Variants in ELAPOR2 observed in about 807,000 individuals in gnomAD.
The protein encoded by ELAPOR2 is endosome/lysosome-associated apoptosis and autophagy regulator family member 2.
Under a neutral mutation model 120.7 loss-of-function variants are expected in ELAPOR2, and 89 were observed. That is an observed-to-expected ratio of 0.74 (90% confidence interval 0.62 to 0.88). The LOEUF (loss-of-function observed/expected upper bound fraction) is 0.88, where lower values mean the gene tolerates loss of function less well. Among genes scored for constraint, ELAPOR2 ranks in the 40% least tolerant of loss-of-function variants. The probability of loss-of-function intolerance (pLI) is 0.00; values close to 1 mark genes in which losing one functional copy is unlikely to be tolerated. For missense variants in ELAPOR2, 1,134 were observed against 1,251.6 expected (o/e 0.91, Z 1.42); for synonymous variants, 444 against 444.9 (o/e 1.00, Z 0.03).
intron 1 of ELAPOR2, among the ~76,000 whole-genome samples, chr7:87,035,542 C>T (rs1021598908): frequency 2.0e-5 from 3 of 152,138 alleles, no homozygotes; most frequent in African/African-American, 7.2e-5. Context: ...GTTAGTTTCC[C>T]GTGACGTACT....
At chr7:87,051,984 T>C (rs1562987731) in intron 1 of ELAPOR2, among the ~76,000 whole-genome samples, 1 of 152,220 alleles carries the variant, frequency 6.6e-6, no homozygotes, top group Non-Finnish European at 1.5e-5. Flanking sequence ...AAGAAATGCT[T>C]GCTGGAGTAC....
chr7:87,012,273 G>A (rs548096124), intron 1 of ELAPOR2, among the ~76,000 whole-genome samples: 46 of 152,246 alleles, frequency 3.0e-4, no homozygotes, highest in African/African-American at 9.4e-4. Context: ...AGCTGGGCAT[G>A]GTGGCGCATG....
At chr7:87,027,003 C>A (rs529491329) in intron 1 of ELAPOR2, among the ~76,000 whole-genome samples, 1 of 152,128 alleles carries the variant, frequency 6.6e-6, no homozygotes, top group African/African-American at 2.4e-5. Flanking sequence ...CTTGGTGCAA[C>A]AACAAAATTT....
At chr7:86,978,000 T>C (rs964115397) in intron 1 of ELAPOR2, among the ~76,000 whole-genome samples, 3 of 152,220 alleles carry the variant, frequency 2.0e-5, no homozygotes, top group Non-Finnish European at 4.4e-5. Flanking sequence ...CATGGTCACT[T>C]CCTGATATGG....
chr7:86,968,304 T>TA (rs1295224991), intron 1 of ELAPOR2, among the ~76,000 whole-genome samples: 3 of 152,126 alleles, frequency 2.0e-5, no homozygotes, highest in Non-Finnish European at 4.4e-5. Context: ...AAAGAAAAAG[T>TA]AGATTATTTC....
At chr7:86,965,530 G>C (rs1791872968) in intron 1 of ELAPOR2, among the ~76,000 whole-genome samples, 1 of 152,120 alleles carries the variant, frequency 6.6e-6, no homozygotes, top group African/African-American at 2.4e-5. Flanking sequence ...TTTTAAAGCA[G>C]CTCTCCCAGG....
At position 86,940,100 on chromosome 7, in the gene ELAPOR2, C is replaced by T. The variant is rs1241547051; in HGVS notation, c.757G>A (p.Gly253Ser). ...WGSHSVMLKS[G>S]TNILYWRTTG... Reference sequence around the variant, plus strand: ...GTTCTCCAGTAGAGTATGTTTGTGCCTGATTTCAGCATTACCTATAAAGAG... The same window carrying T: ...GTTCTCCAGTAGAGTATGTTTGTGCTTGATTTCAGCATTACCTATAAAGAG... Residue 253 changes from glycine (G) to serine (S), a missense_variant, in exon 6 of 22, where the codon GGC (glycine) becomes AGC (serine). Coordinates refer to ENST00000450689, the MANE Select transcript of ELAPOR2 (RefSeq NM_001142749.3). 6.2e-7 allele frequency: 1 copy of T among 1,610,346 alleles called. No homozygotes were observed. The highest frequency in any genetic ancestry group is 1.3e-5 in the African/African-American group (1 of 74,732).
chr7:86,983,072 GAAGA>G (rs1179300288), intron 1 of ELAPOR2, among the ~76,000 whole-genome samples: 1 of 152,194 alleles, frequency 6.6e-6, no homozygotes, highest in Non-Finnish European at 1.5e-5. Flanking sequence ...CGATCAAGTG[GAAGA>G]AAGGGTATCA....
At chr7:87,058,515 A>G (rs144565872) in intron 1 of ELAPOR2, among the ~76,000 whole-genome samples, 15 of 152,242 alleles carry the variant, frequency 9.9e-5, no homozygotes, top group East Asian at 5.8e-4. Context: ...AGAACCAATG[A>G]CACCCCCTGT....
At chr7:86,948,374 T>C (rs1451170363) in intron 2 of ELAPOR2, among the ~76,000 whole-genome samples, 2 of 152,244 alleles carry the variant, frequency 1.3e-5, no homozygotes, top group Non-Finnish European at 2.9e-5. Flanking sequence ...ACTTAATTTA[T>C]GCTAATCAGT....
At chr7:87,042,126 C>T (rs1442346219) in intron 1 of ELAPOR2, among the ~76,000 whole-genome samples, 4 of 149,478 alleles carry the variant, frequency 2.7e-5, no homozygotes, top group African/African-American at 1.0e-4. Context: ...CCTGAGTGAC[C>T]TACAAAGAGA....
At chr7:87,026,462 A>G (rs904154551) in intron 1 of ELAPOR2, among the ~76,000 whole-genome samples, 3 of 151,958 alleles carry the variant, frequency 2.0e-5, no homozygotes, top group Non-Finnish European at 2.9e-5. Flanking sequence ...TAAAAAAAAA[A>G]AGACTCTCTC....
At chr7:86,940,290 AG>A (rs1472486357) in intron 5 of ELAPOR2, among the ~76,000 whole-genome samples, 175 bp from the exon 6 acceptor site, 1 of 152,122 alleles carries the variant, frequency 6.6e-6, no homozygotes, top group African/African-American at 2.4e-5. Flanking sequence ...CTTTCTTAAA[AG>A]AAAAAAAATG....
chr7:87,024,751 A>G (rs1794188107), intron 1 of ELAPOR2, among the ~76,000 whole-genome samples: 1 of 151,984 alleles, frequency 6.6e-6, no homozygotes, highest in South Asian at 2.1e-4. Flanking sequence ...AATACAAACT[A>G]CCATCAGAGA....
chr7:86,946,406 G>A (rs538948335), intron 3 of ELAPOR2, among the ~76,000 whole-genome samples: 1 of 152,254 alleles, frequency 6.6e-6, no homozygotes, highest in African/African-American at 2.4e-5. Context: ...TGCAAAAGTG[G>A]ACGGAGTTTT....
At chr7:86,922,949 A>G (rs1789893658) in intron 10 of ELAPOR2, among the ~76,000 whole-genome samples, 1 of 151,966 alleles carries the variant, frequency 6.6e-6, no homozygotes, top group South Asian at 2.1e-4. Context: ...AATACAGTAA[A>G]CCAAATTTAA....
At chr7:86,947,961 C>T in intron 2 of ELAPOR2, 39 bp from the exon 3 acceptor site, 2 of 1,397,584 alleles carry the variant, frequency 1.4e-6, no homozygotes, top group Non-Finnish European at 2.0e-6. Flanking sequence ...TACTTACCCT[C>T]CCATCAATTT....
chr7:87,009,550 C>T lies in ELAPOR2; in HGVS notation c.190-44526G>A, dbSNP rs538199931. 2.6e-5 allele frequency among the ~76,000 whole-genome samples: 4 copies of T among 152,184 alleles called. 1 individual carries two copies. Among genetic ancestry groups the T allele is most frequent in the African/African-American group, 9.6e-5 (4 of 41,514 alleles). On this transcript the variant is annotated intron_variant, in intron 1 of 21. Transcript: ENST00000450689. ...TAAATTTAATATAGTCAGTGGAGTA[C>T]CCCAGTGTTTTGGGATTAGGAAAGG...
At chr7:86,906,031 A>G (rs1788996277) in intron 18 of ELAPOR2, among the ~76,000 whole-genome samples, 1 of 152,140 alleles carries the variant, frequency 6.6e-6, no homozygotes, top group African/African-American at 2.4e-5. Context: ...GACAGACCTA[A>G]TCTTCATTAA....
Sources: allele counts gnomAD v4.1 joint callset (sites outside exome capture counted in the v4.1 genomes callset), GRCh38; gene constraint gnomAD v4.1.1; transcripts MANE v1.5; gene names NCBI Gene and HGNC (gene_info 2026-07-23, HGNC 2026-07-21).